PLEKHH2: variants seen among roughly 807,000 people sequenced by gnomAD.
The protein encoded by PLEKHH2 is pleckstrin homology domain-containing family H member 2.
PLEKHH2 carries 129 observed loss-of-function variants against 187.9 expected under a neutral mutation model. That is an observed-to-expected ratio of 0.69 (90% confidence interval 0.59 to 0.79). PLEKHH2 has a LOEUF of 0.79. Among genes scored for constraint, PLEKHH2 ranks in the 30% least tolerant of loss-of-function variants. PLEKHH2 has a pLI of 0.00. For missense variants in PLEKHH2, 2,076 were observed against 1,751.2 expected (o/e 1.19, Z -3.31); for synonymous variants, 686 against 605.6 (o/e 1.13, Z -1.95).
At chr2:43,756,368 C>T (rs1672211525) in intron 25 of PLEKHH2, among the ~76,000 whole-genome samples, 1 of 152,076 alleles carries the variant, frequency 6.6e-6, no homozygotes, top group African/African-American at 2.4e-5. Context: ...TCTCGGCTGA[C>T]TGCAACCTCC....
chr2:43,686,347 C>G (rs1209670898), intron 3 of PLEKHH2, among the ~76,000 whole-genome samples: 1 of 152,182 alleles, frequency 6.6e-6, no homozygotes, highest in Non-Finnish European at 1.5e-5. Context: ...CAGGTGCATG[C>G]CACCACACCT....
In PLEKHH2 at chr2:43,678,947, A is replaced by C. The variant is rs201303589; in HGVS notation, c.186+22A>C. ...ACAGGTAGAGTATAATTTTACTTTA[A>C]ATTTTTTTTGCCTGTACTACTCACA... On this transcript the variant is annotated intron_variant, in intron 3 of 29. Transcript: ENST00000282406. The C allele has an allele frequency of 1.1e-3, 1,704 of 1,577,892 alleles. 5 individuals are homozygous for C. Among genetic ancestry groups the C allele is most frequent in the Middle Eastern group, 3.4e-3 (17 of 4,942 alleles).
intron 2 of PLEKHH2, among the ~76,000 whole-genome samples, chr2:43,669,579 G>T (rs1667399618): frequency 6.6e-6 from 1 of 152,062 alleles, no homozygotes; most frequent in Non-Finnish European, 1.5e-5. Context: ...GAAATGAGGT[G>T]ATAGAACTCA....
intron 19 of PLEKHH2, among the ~76,000 whole-genome samples, chr2:43,733,826 T>A (rs1018920008): frequency 6.6e-6 from 1 of 152,166 alleles, no homozygotes; most frequent in African/African-American, 2.4e-5. Flanking sequence ...TATACATTTT[T>A]AAAATTTCTA....
Position 43,644,796 on chromosome 2 carries a change from G to A in PLEKHH2, c.123G>A (p.Lys41=), listed in dbSNP as rs753582626. The A allele has an allele frequency of 8.1e-6, 13 of 1,602,138 alleles. No homozygotes were observed. Among genetic ancestry groups the A allele is most frequent in the South Asian group, 5.6e-5 (5 of 88,644 alleles). ...ASKIRELLAE[K]MQQLERQVID... is the part of the protein sequence containing the mutation. The stretch of plus-strand genomic sequence containing the variant: ...AGATACGAGAGCTTTTAGCAGAGAA[G>A]GTAAGCTTTCTCCCTAAGCTTTGTT... Residue 41 remains lysine, a splice_region_variant and synonymous_variant, in exon 2 of 30, where the codon AAG becomes AAA. Transcript: ENST00000282406.
intron 9 of PLEKHH2, among the ~76,000 whole-genome samples, chr2:43,705,134 G>A (rs1014494205): frequency 6.6e-6 from 1 of 151,604 alleles, no homozygotes. Context: ...AAATTTTCCT[G>A]TGGTTCTTTC....
chr2:43,642,700 G>A (rs941579678), intron 1 of PLEKHH2, among the ~76,000 whole-genome samples: 2 of 152,030 alleles, frequency 1.3e-5, no homozygotes, highest in Non-Finnish European at 2.9e-5. Context: ...TGATTTTTCT[G>A]TGTCTATTGA....
intron 2 of PLEKHH2, among the ~76,000 whole-genome samples, chr2:43,676,665 T>C (rs1372785732): frequency 2.0e-5 from 3 of 152,122 alleles, no homozygotes; most frequent in Admixed American, 6.5e-5. Context: ...GAGTTTTACC[T>C]CACGATTTGT....
intron 2 of PLEKHH2, among the ~76,000 whole-genome samples, chr2:43,666,531 C>G (rs1056568209): frequency 6.6e-6 from 1 of 152,196 alleles, no homozygotes; most frequent in African/African-American, 2.4e-5. Flanking sequence ...AACTGCCGAA[C>G]TGTTTCTAAG....
intron 3 of PLEKHH2, among the ~76,000 whole-genome samples, chr2:43,687,999 C>T (rs966835906): frequency 6.6e-6 from 1 of 152,108 alleles, no homozygotes. Context: ...TGCGTTCCCA[C>T]TCTTTTGCCC....
At chr2:43,695,062 A>C in intron 5 of PLEKHH2, 81 bp from the exon 6 acceptor site, 1 of 710,616 alleles carries the variant, frequency 1.4e-6, no homozygotes. Flanking sequence ...CTAAATATTA[A>C]CATTTTCTAA....
chr2:43,673,138 C>T (rs1482735983), intron 2 of PLEKHH2, among the ~76,000 whole-genome samples: 2 of 152,100 alleles, frequency 1.3e-5, no homozygotes, highest in African/African-American at 4.8e-5. Flanking sequence ...GTACACATCA[C>T]CCAGCTTTCA....
At position 43,738,498 on chromosome 2, in the gene PLEKHH2, A is replaced by G. The variant is rs1237840844; in HGVS notation, c.3101A>G (p.Gln1034Arg). Residue 1034 changes from glutamine to arginine, a missense_variant, in exon 20 of 30, where the codon CAG becomes CGG. By Grantham distance (43) the Gln-to-Arg change is conservative. Coordinates refer to ENST00000282406, the MANE Select transcript of PLEKHH2 (RefSeq NM_172069.4). ...LIKQTRRRQP[Q>R]NQPGPLQGWQ... ...AAACAGACAAGACGAAGACAGCCAC[A>G]GAATCAACCAGGACCATTGCAGGTA... is the stretch of plus-strand genomic sequence containing the variant. 2 of 1,612,642 alleles carry G rather than the reference A, an allele frequency of 1.2e-6. No individual in the cohort carries two copies. Among genetic ancestry groups the G allele is most frequent in the Non-Finnish European group, 1.7e-6 (2 of 1,178,914 alleles).
intron 16 of PLEKHH2, among the ~76,000 whole-genome samples, chr2:43,723,943 G>T (rs990906882): frequency 6.6e-6 from 1 of 152,192 alleles, no homozygotes; most frequent in Non-Finnish European, 1.5e-5. Flanking sequence ...TGGTGCTGTG[G>T]ACATGTGAGA....
chr2:43,699,701 G>T lies in PLEKHH2; in HGVS notation c.743G>T (p.Gly248Val). ...VDNQVLENNRGQRTLHQTPCG... is the reference protein window; with the variant it reads ...VDNQVLENNRVQRTLHQTPCG... Reference sequence around the variant, plus strand: ...AACCAAGTTCTAGAAAACAACAGAGGCCAGAGAACATTGCATCAAACCCCT... The same window carrying T: ...AACCAAGTTCTAGAAAACAACAGAGTCCAGAGAACATTGCATCAAACCCCT... The change falls in exon 8 of 30, where the codon GGC becomes GTC. Residue 248 changes from glycine to valine, a missense_variant. Transcript: ENST00000282406. The T allele has an allele frequency of 6.2e-7, 1 of 1,614,142 alleles. No homozygotes were observed. Among genetic ancestry groups the T allele is most frequent in the African/African-American group, 1.3e-5 (1 of 75,042 alleles).
intron 2 of PLEKHH2, among the ~76,000 whole-genome samples, chr2:43,653,631 G>A (rs748262437): frequency 4.6e-5 from 7 of 152,198 alleles, no homozygotes; most frequent in South Asian, 2.1e-4. Flanking sequence ...TCCCCAAGAA[G>A]TCAGCTGTGC....
rs75944783 is a variant in PLEKHH2 at position 43,746,048 on chromosome 2, G to A, written c.3653+85G>A. 4.5e-3 allele frequency: 3,312 copies of A among 729,286 alleles called. 92 individuals are homozygous for A. In the African/African-American group the frequency reaches 0.054, roughly 12 times the overall value. The allele number at this position is 729,286 out of a possible 1,614,324, so 45.2% of individuals were successfully genotyped here. Reference sequence around the variant, plus strand: ...CCTACTATTTACCTTTCTATTGAATGCCTTAAAAGTTATTTATTTGTAAGT... The same window carrying A: ...CCTACTATTTACCTTTCTATTGAATACCTTAAAAGTTATTTATTTGTAAGT... On this transcript the variant is annotated intron_variant, in intron 24 of 29. Transcript: ENST00000282406.
At chr2:43,726,802 CA>C (rs1226478121) in intron 17 of PLEKHH2, among the ~76,000 whole-genome samples, 4 of 151,952 alleles carry the variant, frequency 2.6e-5, no homozygotes, top group Non-Finnish European at 4.4e-5. Flanking sequence ...GCCTTAGATA[CA>C]GTAGAAAATT....
intron 9 of PLEKHH2, among the ~76,000 whole-genome samples, chr2:43,704,662 TAAAAAAAAAA>T (rs70965318): frequency 4.7e-5 from 4 of 84,292 alleles, no homozygotes; most frequent in Admixed American, 1.5e-4. Context: ...GATTCTGTCT[TAAAAAAAAAA>T]AAAAAAAAAA....
Sources: allele counts gnomAD v4.1 joint callset (sites outside exome capture counted in the v4.1 genomes callset), GRCh38; gene constraint gnomAD v4.1.1; transcripts MANE v1.5; gene names NCBI Gene and HGNC (gene_info 2026-07-23, HGNC 2026-07-21).